Variants in SNX25 observed in about 807,000 individuals in gnomAD.
SNX25 encodes the protein sorting nexin 25, also known as sorting nexin-25.
In SNX25, 62 loss-of-function variants were observed where a neutral mutation model predicts 113.7. The ratio of observed to expected loss-of-function variants is 0.55; its 90% CI spans 0.44 to 0.67. SNX25 has a LOEUF of 0.67. Ranked by LOEUF, SNX25 falls within the 30% of genes least tolerant of loss-of-function variation. The pLI is 0.00. For synonymous variants in SNX25, 421 were observed against 436.2 expected, an observed-to-expected ratio of 0.97 and a Z score of 0.43; for missense variants, 1,014 against 1,161.0, an observed-to-expected ratio of 0.87 and a Z score of 1.84.
intron 1 of SNX25, among the ~76,000 whole-genome samples, chr4:185,241,278 C>G (rs1197153194): frequency 2.0e-5 from 3 of 152,142 alleles, no homozygotes; most frequent in Non-Finnish European, 2.9e-5. Flanking sequence ...GAGCTGGAGA[C>G]CAGCCCGGCC....
intron 6 of SNX25, chr4:185,295,764 T>G (rs1271603342): frequency 6.6e-6 from 1 of 152,172 alleles, no homozygotes; most frequent in Non-Finnish European, 1.5e-5. Context: ...TGTTTTTGAA[T>G]CATAATTGAT....
intron 16 of SNX25, among the ~76,000 whole-genome samples, chr4:185,359,709 TC>T (rs2095353646): frequency 6.6e-6 from 1 of 152,220 alleles, no homozygotes; most frequent in Admixed American, 6.5e-5. Flanking sequence ...GCCTTCTTTT[TC>T]TCAGGACTCA....
chr4:185,331,244 C>A (rs945776608), intron 9 of SNX25, among the ~76,000 whole-genome samples: 4 of 152,112 alleles, frequency 2.6e-5, no homozygotes, highest in African/African-American at 4.8e-5. Flanking sequence ...TATGGGATAG[C>A]AATGAAGCAG....
intron 2 of SNX25, among the ~76,000 whole-genome samples, chr4:185,254,254 C>A (rs115944574): frequency 3.3e-3 from 504 of 152,244 alleles, no homozygotes; most frequent in African/African-American, 0.011. Context: ...AACCCCAAAT[C>A]TTTCCAGAAG....
At chr4:185,258,297 G>A (rs1351721641) in intron 2 of SNX25, among the ~76,000 whole-genome samples, 2 of 152,152 alleles carry the variant, frequency 1.3e-5, no homozygotes, top group South Asian at 2.1e-4. Flanking sequence ...GAACACCATC[G>A]GGTGCCATGC....
At chr4:185,230,630 C>T (rs1183893548) in intron 1 of SNX25, among the ~76,000 whole-genome samples, 1 of 151,870 alleles carries the variant, frequency 6.6e-6, no homozygotes, top group Non-Finnish European at 1.5e-5. Context: ...AACTCCCGAC[C>T]TCAGGTGATC....
chr4:185,258,999 T>G lies in SNX25; in HGVS notation c.666T>G (p.Val222=). 1 of 1,614,210 alleles carries G rather than the reference T, an allele frequency of 6.2e-7. No homozygotes were observed. Among genetic ancestry groups the G allele is most frequent in the Non-Finnish European group, 8.5e-7 (1 of 1,180,032 alleles). Reference sequence around the variant, plus strand: ...TGAGTCACGTGGATGTGGTTAAAGTTGTCTGCAATGATGTTGTGAGGACTT... The same window carrying G: ...TGAGTCACGTGGATGTGGTTAAAGTGGTCTGCAATGATGTTGTGAGGACTT... The part of the protein sequence containing the change: ...HRLSHVDVVK[V]VCNDVVRTLL... Residue 222 remains valine, a synonymous_variant, in exon 3 of 19, where the codon GTT becomes GTG. Transcript: ENST00000652585.
At chr4:185,230,638 A>G (rs904053185) in intron 1 of SNX25, among the ~76,000 whole-genome samples, 20 of 151,824 alleles carry the variant, frequency 1.3e-4, no homozygotes, top group Non-Finnish European at 2.6e-4. Flanking sequence ...ACCTCAGGTG[A>G]TCCACCTGCC....
At position 185,360,950 on chromosome 4, in the gene SNX25, T is replaced by TATATATATATATATATATATAGATAG. The variant is rs1048534398; in HGVS notation, c.2652-971_2652-970insTATATATATATATATATAGATAGATA. Among the ~76,000 whole-genome samples, 143 of 141,718 alleles carry TATATATATATATATATATATAGATAG rather than the reference T, an allele frequency of 1.0e-3. 1 individual carries two copies. The highest frequency in any genetic ancestry group is 5.3e-3 in the East Asian group (26 of 4,902). The allele number at this position is 141,718 out of a possible 152,430, so 93.0% of individuals were successfully genotyped here. A position where few individuals can be genotyped will look rare whatever the true frequency, so the allele number is the denominator to read the frequency against. ...AAAATAATATATATATATATATATA[T>TATATATATATATATATATATAGATAG]ATAGAATCTGTCTAATGACTAACGA... On this transcript the variant is annotated intron_variant, in intron 16 of 18. Coordinates refer to ENST00000652585, the MANE Select transcript of SNX25 (RefSeq NM_001378034.2).
intron 6 of SNX25, among the ~76,000 whole-genome samples, chr4:185,290,245 G>A (rs552027707): frequency 1.3e-5 from 2 of 152,310 alleles, no homozygotes; most frequent in South Asian, 4.1e-4. Context: ...GGGAGTGCGG[G>A]AAGGACACGA....
Position 185,294,853 on chromosome 4 carries a change from T to G in SNX25, c.1162+6771T>G, listed in dbSNP as rs545999804. Among the ~76,000 whole-genome samples the G allele has an allele frequency of 1.8e-3, 275 of 152,298 alleles. 2 individuals carry two copies. Among genetic ancestry groups the G allele is most frequent in the African/African-American group, 6.3e-3 (262 of 41,560 alleles). ...TTTTAAGAAAAAATAAGAACAAATT[T>G]AGCATTCCTCGTTGTCCTTACTTTT... is the stretch of plus-strand genomic sequence containing the variant. On this transcript the variant is annotated intron_variant, in intron 6 of 18. Coordinates refer to ENST00000652585, the MANE Select transcript of SNX25 (RefSeq NM_001378034.2).
chr4:185,338,896 A>G (rs1442455463), intron 10 of SNX25, among the ~76,000 whole-genome samples: 1 of 152,174 alleles, frequency 6.6e-6, no homozygotes, highest in Non-Finnish European at 1.5e-5. Context: ...AGAAGTCAAG[A>G]AGTCTGAGTC....
intron 5 of SNX25, among the ~76,000 whole-genome samples, chr4:185,283,918 T>A (rs1198553951): frequency 6.6e-6 from 1 of 152,258 alleles, no homozygotes; most frequent in African/African-American, 2.4e-5. Context: ...TCAGATGGTG[T>A]GTATTTTCTT....
chr4:185,270,267 T>C (rs77562606), intron 5 of SNX25, among the ~76,000 whole-genome samples: 2,402 of 152,300 alleles, frequency 0.016, 73 homozygotes, highest in African/African-American at 0.055. Context: ...AGGCACATCA[T>C]GGATTGCCTT....
At chr4:185,217,757 T>G (rs1436212586) in intron 1 of SNX25, among the ~76,000 whole-genome samples, 1 of 152,192 alleles carries the variant, frequency 6.6e-6, no homozygotes, top group African/African-American at 2.4e-5. Context: ...TACACGTGGT[T>G]GTGCTAAAAA....
chr4:185,316,761 T>C (rs1193412080), intron 7 of SNX25, among the ~76,000 whole-genome samples: 1 of 152,200 alleles, frequency 6.6e-6, no homozygotes, highest in Admixed American at 6.5e-5. Context: ...CCTGGCTCTT[T>C]CTGTTGATAC....
At chr4:185,277,129 ATTC>A (rs1048777096) in intron 5 of SNX25, among the ~76,000 whole-genome samples, 2 of 152,084 alleles carry the variant, frequency 1.3e-5, no homozygotes, top group Non-Finnish European at 2.9e-5. Context: ...GGTTCAAGTG[ATTC>A]TTGTGCCTCA....
chr4:185,367,081 G>A, downstream of SNX25: 1 of 1,025,974 alleles, frequency 9.7e-7, no homozygotes, highest in Non-Finnish European at 1.5e-6. Context: ...CCAGGATAGT[G>A]TAATTTGTGA....
chr4:185,282,278 C>T (rs1440816889), intron 5 of SNX25, among the ~76,000 whole-genome samples: 1 of 152,114 alleles, frequency 6.6e-6, no homozygotes, highest in Admixed American at 6.5e-5. Flanking sequence ...TCCCCTGCCT[C>T]AGCCTCCCGA....
Sources: allele counts gnomAD v4.1 joint callset (sites outside exome capture counted in the v4.1 genomes callset), GRCh38; gene constraint gnomAD v4.1.1; transcripts MANE v1.5; gene names NCBI Gene and HGNC (gene_info 2026-07-23, HGNC 2026-07-21).